The following RAB11FIP4 variants were observed in gnomAD, a reference collection of about 807,000 sequenced individuals.
RAB11FIP4 encodes RAB11 family interacting protein 4.
In RAB11FIP4, 23 loss-of-function variants were observed where a neutral mutation model predicts 74.3. The ratio of observed to expected loss-of-function variants is 0.31; its 90% CI spans 0.22 to 0.44. The LOEUF (loss-of-function observed/expected upper bound fraction) is 0.44, where lower values mean the gene tolerates loss of function less well. Among genes scored for constraint, RAB11FIP4 ranks in the 20% least tolerant of loss-of-function variants. The pLI is 1.00. For synonymous variants in RAB11FIP4, 360 were observed against 359.9 expected (o/e 1.00, Z 0.00); for missense variants, 630 against 863.9 (o/e 0.73, Z 3.39).
Position 31,531,810 on chromosome 17 carries a change from C to T in RAB11FIP4, c.*78C>T, listed in dbSNP as rs550734465. ...CCTGCCCAAGGATGCAGGCCTAAGC[C>T]GGGCCTCACACTCACACTGTAAATG... On this transcript the variant is annotated 3_prime_UTR_variant, in exon 15 of 15. Transcript: ENST00000621161. 4.7e-5 allele frequency: 42 copies of T among 901,544 alleles called. No homozygotes were observed. The African/African-American group carries it at 5.1e-4, about 11-fold the overall frequency. 55.8% of individuals were successfully genotyped at this position (901,544 alleles called of 1,614,324 possible).
At chr17:31,454,126 C>T (rs2142707361) in intron 3 of RAB11FIP4, among the ~76,000 whole-genome samples, 1 of 152,256 alleles carries the variant, frequency 6.6e-6, no homozygotes, top group Non-Finnish European at 1.5e-5. Context: ...GGCCTGATCA[C>T]ATGAAAACCA....
chr17:31,458,406 A>G (rs966114029), intron 3 of RAB11FIP4, among the ~76,000 whole-genome samples: 1 of 152,178 alleles, frequency 6.6e-6, no homozygotes, highest in Non-Finnish European at 1.5e-5. Context: ...CATTGCGGGG[A>G]GGCAAGATTC....
intron 9 of RAB11FIP4, chr17:31,524,723 G>A (rs1342538561): frequency 1.1e-5 from 3 of 267,744 alleles, no homozygotes; most frequent in African/African-American, 6.8e-5. Flanking sequence ...GGGAGTCAAG[G>A]TGCCCAATAA....
At chr17:31,520,601 G>A (rs1033693377) in intron 4 of RAB11FIP4, among the ~76,000 whole-genome samples, 5 of 151,890 alleles carry the variant, frequency 3.3e-5, no homozygotes, top group African/African-American at 1.2e-4. Context: ...TCCACCTCCC[G>A]GGTTCACGCC....
intron 1 of RAB11FIP4, 26 bp from the exon 2 acceptor site, chr17:31,431,787 C>T (rs2071312201): frequency 1.3e-6 from 2 of 1,496,624 alleles, no homozygotes; most frequent in Non-Finnish European, 1.8e-6. Flanking sequence ...GGGTGTCTCA[C>T]ACCTGTCCCT....
At chr17:31,521,433 G>C in intron 5 of RAB11FIP4, 73 bp downstream of exon 5, 15 of 1,349,354 alleles carry the variant, frequency 1.1e-5, no homozygotes, top group Non-Finnish European at 1.5e-5. Context: ...CTAGGGGGTG[G>C]GGGGGTGCGA....
intron 1 of RAB11FIP4, among the ~76,000 whole-genome samples, chr17:31,411,855 G>A (rs1412437939): frequency 4.6e-5 from 7 of 152,268 alleles, no homozygotes; most frequent in African/African-American, 1.2e-4. Context: ...GTCCTTCCGA[G>A]GAGAAGGTGC....
chr17:31,427,162 T>A (rs1171023302), intron 1 of RAB11FIP4, among the ~76,000 whole-genome samples: 1 of 152,184 alleles, frequency 6.6e-6, no homozygotes, highest in African/African-American at 2.4e-5. Flanking sequence ...GGTTTCTCTA[T>A]GTTGGCCAGG....
intron 3 of RAB11FIP4, among the ~76,000 whole-genome samples, chr17:31,502,929 C>T (rs1225207708): frequency 6.6e-6 from 1 of 152,194 alleles, no homozygotes; most frequent in Non-Finnish European, 1.5e-5. Context: ...CTTTCCTTTG[C>T]GTGTGTCCTA....
rs1252530292 is a variant in RAB11FIP4 at position 31,528,912 on chromosome 17, G to C, written c.1653+134G>C. 6 of 1,024,576 alleles carry C rather than the reference G, an allele frequency of 5.9e-6. No individual in the cohort carries two copies. The Admixed American group carries it at 1.6e-4, about 28-fold the overall frequency. 63.5% of individuals were successfully genotyped at this position (1,024,576 alleles called of 1,614,324 possible). A position where few individuals can be genotyped will look rare whatever the true frequency, so the allele number is the denominator to read the frequency against. ...CTGTCTGCTTCTCAGCAACCTGTTT[G>C]CCAGGGCTGACTGCCCCATTTCACA... is the stretch of plus-strand genomic sequence containing the variant. On this transcript the variant is annotated intron_variant, in intron 13 of 14. Coordinates refer to ENST00000621161, the MANE Select transcript of RAB11FIP4 (RefSeq NM_032932.6).
At chr17:31,445,869 G>A (rs2142695245) in intron 3 of RAB11FIP4, among the ~76,000 whole-genome samples, 1 of 151,752 alleles carries the variant, frequency 6.6e-6, no homozygotes, top group East Asian at 1.9e-4. Flanking sequence ...GATTACAGGT[G>A]TGAGCCACCG....
Position 31,533,884 on chromosome 17 carries a change from A to C in RAB11FIP4, c.*2152A>C, listed in dbSNP as rs546222310. 1 of 152,286 alleles carries C rather than the reference A, an allele frequency of 6.6e-6. No homozygotes were observed. The highest frequency in any genetic ancestry group is 6.5e-5 in the Admixed American group (1 of 15,300). 9.4% of individuals were successfully genotyped at this position (152,286 alleles called of 1,614,324 possible). A position where few individuals can be genotyped will look rare whatever the true frequency, so the allele number is the denominator to read the frequency against. On this transcript the variant is annotated 3_prime_UTR_variant, in exon 15 of 15. Transcript: ENST00000621161. ...GCAGTGCCAGAGGGGCCTCTGGAGCAGGCCTGGCTTTTAAATGGGGGGCTG... is the reference window on the plus strand; with the variant it reads ...GCAGTGCCAGAGGGGCCTCTGGAGCCGGCCTGGCTTTTAAATGGGGGGCTG...
At chr17:31,409,185 T>G (rs187741228) in intron 1 of RAB11FIP4, among the ~76,000 whole-genome samples, 3 of 152,092 alleles carry the variant, frequency 2.0e-5, no homozygotes, top group South Asian at 2.1e-4. Context: ...CCTTATAATT[T>G]TTTACAGTGG....
Position 31,521,211 on chromosome 17 carries a change from A to G in RAB11FIP4, c.609A>G (p.Thr203=). Residue 203 remains threonine, a synonymous_variant, in exon 5 of 15, where the codon ACA becomes ACG. Coordinates refer to ENST00000621161, the MANE Select transcript of RAB11FIP4 (RefSeq NM_032932.6). ...CCATGACGACCTCAGACCTTTCTACACACTCCACCACCTCGCTCATCAGCA... is the reference window on the plus strand; with the variant it reads ...CCATGACGACCTCAGACCTTTCTACGCACTCCACCACCTCGCTCATCAGCA... ...TPSMTTSDLS[T]HSTTSLISNE... 6.2e-7 allele frequency: 1 copy of G among 1,613,110 alleles called. No homozygotes were observed. Among genetic ancestry groups the G allele is most frequent in the Non-Finnish European group, 8.5e-7 (1 of 1,179,418 alleles).
At chr17:31,407,339 G>A (rs552243609) in intron 1 of RAB11FIP4, among the ~76,000 whole-genome samples, 6 of 152,178 alleles carry the variant, frequency 3.9e-5, no homozygotes, top group East Asian at 1.9e-4. Context: ...ATGAGCCATC[G>A]TGGCTGGCTT....
intron 1 of RAB11FIP4, among the ~76,000 whole-genome samples, chr17:31,394,648 A>G (rs2070909934): frequency 6.6e-6 from 1 of 152,072 alleles, no homozygotes; most frequent in African/African-American, 2.4e-5. Context: ...ATCACATTGT[A>G]TCTGTCAAGA....
intron 3 of RAB11FIP4, among the ~76,000 whole-genome samples, chr17:31,517,414 G>A (rs2072577945): frequency 6.6e-6 from 1 of 152,032 alleles, no homozygotes; most frequent in Admixed American, 6.5e-5. Flanking sequence ...GCCCTTCTTC[G>A]TGGATGGCTG....
At chr17:31,403,423 A>G (rs1353581336) in intron 1 of RAB11FIP4, among the ~76,000 whole-genome samples, 1 of 151,306 alleles carries the variant, frequency 6.6e-6, no homozygotes, top group African/African-American at 2.4e-5. Flanking sequence ...CCCAGGTTCC[A>G]GCAATTCTCC....
At chr17:31,423,208 C>T (rs112746447) in intron 1 of RAB11FIP4, among the ~76,000 whole-genome samples, 12 of 152,310 alleles carry the variant, frequency 7.9e-5, no homozygotes, top group African/African-American at 1.4e-4. Context: ...CGTGAGCCAC[C>T]GCGCCCAGCC....
Sources: allele counts gnomAD v4.1 joint callset (sites outside exome capture counted in the v4.1 genomes callset), GRCh38; gene constraint gnomAD v4.1.1; transcripts MANE v1.5; gene names NCBI Gene and HGNC (gene_info 2026-07-23, HGNC 2026-07-21).